The following CSMD1 variants were observed in gnomAD, a reference collection of about 807,000 sequenced individuals.
The protein encoded by CSMD1 is CUB and sushi domain-containing protein 1.
CSMD1 carries 213 observed loss-of-function variants against 417.5 expected under a neutral mutation model. The observed-to-expected ratio is 0.51, with a 90% CI of 0.46 to 0.57. The LOEUF (loss-of-function observed/expected upper bound fraction) is 0.57. Ranked by LOEUF, CSMD1 falls within the 20% of genes least tolerant of loss-of-function variation. CSMD1 has a pLI of 0.00. For synonymous variants in CSMD1, 2,862 were observed against 1,736.8 expected (o/e 1.65, Z -16.11); for missense variants, 6,923 against 4,529.7 (o/e 1.53, Z -15.17).
At chr8:4,355,226 C>T (rs921359338) in intron 3 of CSMD1, among the ~76,000 whole-genome samples, 1 of 151,936 alleles carries the variant, frequency 6.6e-6, no homozygotes. Flanking sequence ...CGCGCCACTG[C>T]ACTCCAGCCT....
intron 25 of CSMD1, among the ~76,000 whole-genome samples, chr8:3,286,050 C>T (rs1044181722): frequency 2.0e-5 from 3 of 152,064 alleles, no homozygotes; most frequent in Admixed American, 6.6e-5. Context: ...CTGTTCAACT[C>T]CCACCTATGA....
chr8:4,035,035 G>A (rs894906714), intron 3 of CSMD1, among the ~76,000 whole-genome samples: 1 of 152,116 alleles, frequency 6.6e-6, no homozygotes. Flanking sequence ...ATTAACTTTG[G>A]TATGAATAAT....
At chr8:4,920,800 G>A (rs753111951) in intron 1 of CSMD1, among the ~76,000 whole-genome samples, 33 of 149,948 alleles carry the variant, frequency 2.2e-4, no homozygotes, top group Non-Finnish European at 3.8e-4. Flanking sequence ...TCCAGCCTGG[G>A]CAACAAGAGC....
At chr8:4,406,320 T>C (rs977148518) in intron 3 of CSMD1, among the ~76,000 whole-genome samples, 4 of 152,114 alleles carry the variant, frequency 2.6e-5, no homozygotes. Context: ...CTTCCAGTTG[T>C]GAATTCAACA....
intron 25 of CSMD1, among the ~76,000 whole-genome samples, chr8:3,302,541 C>T (rs897418271): frequency 1.3e-5 from 2 of 152,186 alleles, no homozygotes; most frequent in Non-Finnish European, 2.9e-5. Context: ...TGGGCAATTC[C>T]TTCTTTGCAA....
intron 3 of CSMD1, among the ~76,000 whole-genome samples, chr8:4,053,448 G>C (rs962996698): frequency 6.8e-6 from 1 of 146,726 alleles, no homozygotes; most frequent in Non-Finnish European, 1.5e-5. Context: ...GTCTCGGTGG[G>C]GAACCCTACT....
At chr8:4,271,667 C>CA (rs1198573738) in intron 3 of CSMD1, among the ~76,000 whole-genome samples, 3 of 152,082 alleles carry the variant, frequency 2.0e-5, no homozygotes, top group Admixed American at 6.6e-5. Flanking sequence ...AAAATACATC[C>CA]ACTTTAAGGT....
At chr8:3,142,180 C>A (rs1585460183) in intron 41 of CSMD1, among the ~76,000 whole-genome samples, 1 of 152,218 alleles carries the variant, frequency 6.6e-6, no homozygotes, top group African/African-American at 2.4e-5. Flanking sequence ...TCCCACACAT[C>A]TGGCTCTGCG....
chr8:4,977,361 C>G (rs1310562361), intron 1 of CSMD1, among the ~76,000 whole-genome samples: 1 of 152,122 alleles, frequency 6.6e-6, no homozygotes, highest in Admixed American at 6.5e-5. Context: ...ACCCCAGGCC[C>G]ACTGAGCAGC....
intron 4 of CSMD1, among the ~76,000 whole-genome samples, chr8:4,014,714 C>T (rs1585134340): frequency 6.6e-6 from 1 of 152,164 alleles, no homozygotes; most frequent in African/African-American, 2.4e-5. Context: ...ATGACAAAGT[C>T]CTTGCTGGTA....
chr8:2,981,520 A>T (rs533138575), intron 54 of CSMD1, among the ~76,000 whole-genome samples: 1 of 152,252 alleles, frequency 6.6e-6, no homozygotes, highest in African/African-American at 2.4e-5. Flanking sequence ...TCATCTTAAC[A>T]TCTTAATGCC....
At chr8:3,912,998 G>A (rs146612014) in intron 5 of CSMD1, among the ~76,000 whole-genome samples, 42 of 152,222 alleles carry the variant, frequency 2.8e-4, no homozygotes, top group African/African-American at 9.9e-4. Flanking sequence ...GAAAGCCTAC[G>A]CACTGGTGAC....
chr8:4,259,245 A>G (rs1803703851), intron 3 of CSMD1, among the ~76,000 whole-genome samples: 1 of 152,144 alleles, frequency 6.6e-6, no homozygotes, highest in Non-Finnish European at 1.5e-5. Context: ...GACACAGACA[A>G]TCTTTTCCTA....
intron 3 of CSMD1, among the ~76,000 whole-genome samples, chr8:4,040,702 A>G (rs1184934932): frequency 6.6e-6 from 1 of 152,214 alleles, no homozygotes; most frequent in Non-Finnish European, 1.5e-5. Context: ...AATTCATATA[A>G]TAGCAAAAAC....
At position 4,678,058 on chromosome 8, in the gene CSMD1, C is replaced by A. The variant is rs190587340; in HGVS notation, c.86-40500G>T. On this transcript the variant is annotated intron_variant, in intron 1 of 69. Coordinates refer to ENST00000635120, the MANE Select transcript of CSMD1 (RefSeq NM_033225.6). ...CTATTTTAGTAACAGCACACATGGA[C>A]ACACACCCACATATGAATTAAAGGA... 2.4e-4 allele frequency among the ~76,000 whole-genome samples: 37 copies of A among 152,144 alleles called. No individual in the cohort carries two copies. In the East Asian group the frequency reaches 7.0e-3, roughly 29 times the overall value.
At chr8:3,874,828 A>C (rs1355535905) in intron 5 of CSMD1, among the ~76,000 whole-genome samples, 1 of 152,124 alleles carries the variant, frequency 6.6e-6, no homozygotes, top group Non-Finnish European at 1.5e-5. Flanking sequence ...AGACGGGGTC[A>C]ATTTCGGAGG....
chr8:3,765,190 T>C (rs1798203110), intron 5 of CSMD1, among the ~76,000 whole-genome samples: 1 of 152,218 alleles, frequency 6.6e-6, no homozygotes, highest in Non-Finnish European at 1.5e-5. Context: ...GTGAACCTTG[T>C]GTTCTGCCCA....
At chr8:3,427,218 C>G (rs1021103528) in intron 12 of CSMD1, among the ~76,000 whole-genome samples, 21 of 152,146 alleles carry the variant, frequency 1.4e-4, no homozygotes, top group African/African-American at 5.1e-4. Flanking sequence ...ATAAGCATAA[C>G]AAGAACTGGT....
At chr8:4,582,070 T>A (rs911946706) in intron 2 of CSMD1, among the ~76,000 whole-genome samples, 1 of 148,798 alleles carries the variant, frequency 6.7e-6, no homozygotes, top group African/African-American at 2.6e-5. Flanking sequence ...GTTCCGAGCC[T>A]CTTTTTTTTT....
Sources: gnomAD v4.1 joint callset for allele counts (sites outside exome capture counted in the v4.1 genomes callset) on GRCh38, gnomAD v4.1.1 for gene constraint, MANE v1.5 for transcripts, NCBI Gene and HGNC (gene_info 2026-07-23, HGNC 2026-07-21) for gene names.